RPS6KA2: variants seen among roughly 807,000 people sequenced by gnomAD.
RPS6KA2 encodes the protein ribosomal protein S6 kinase alpha-2.
A neutral mutation model predicts 91.8 loss-of-function variants in RPS6KA2; 42 were observed. The ratio of observed to expected loss-of-function variants is 0.46; its 90% CI spans 0.36 to 0.59. The LOEUF (loss-of-function observed/expected upper bound fraction) is 0.59. RPS6KA2 is among the 20% of genes least tolerant of loss of function. The pLI is 0.00. For missense variants in RPS6KA2, 798 were observed against 978.5 expected (o/e 0.82, Z 2.46); for synonymous variants, 414 against 393.6 (o/e 1.05, Z -0.61).
At chr6:166,787,209 G>T (rs982993626) in intron 2 of RPS6KA2, among the ~76,000 whole-genome samples, 35 of 151,792 alleles carry the variant, frequency 2.3e-4, no homozygotes, top group African/African-American at 8.2e-4. Flanking sequence ...TTATCATAGT[G>T]TTTTTTTTAT....
At chr6:166,711,795 A>AC (rs1789865969) in intron 2 of RPS6KA2, among the ~76,000 whole-genome samples, 2 of 151,418 alleles carry the variant, frequency 1.3e-5, no homozygotes, top group Admixed American at 1.3e-4. Flanking sequence ...AGAGAGAGAG[A>AC]GAGAGAGACA....
chr6:166,421,360 G>C (rs1159613993), intron 17 of RPS6KA2, among the ~76,000 whole-genome samples: 1 of 152,250 alleles, frequency 6.6e-6, no homozygotes, highest in Non-Finnish European at 1.5e-5. Flanking sequence ...GCATAGGCGT[G>C]AGGGGCGCTG....
intron 1 of RPS6KA2, among the ~76,000 whole-genome samples, chr6:166,556,069 G>A (rs1329338709): frequency 6.6e-6 from 1 of 152,198 alleles, no homozygotes; most frequent in Non-Finnish European, 1.5e-5. Context: ...TATTTCTCCT[G>A]TAATCCAGGG....
intron 14 of RPS6KA2, among the ~76,000 whole-genome samples, chr6:166,439,176 C>T (rs981057889): frequency 6.6e-6 from 1 of 152,270 alleles, no homozygotes; most frequent in Admixed American, 6.5e-5. Context: ...GGCACAATCT[C>T]GGCTCACTGC....
At chr6:166,638,884 C>T (rs779574111) in intron 2 of RPS6KA2, among the ~76,000 whole-genome samples, 4 of 152,092 alleles carry the variant, frequency 2.6e-5, no homozygotes, top group Non-Finnish European at 2.9e-5. Flanking sequence ...TCCTTCTGCT[C>T]AGTTTGTTTG....
chr6:166,667,667 C>A (rs1788353260), intron 2 of RPS6KA2, among the ~76,000 whole-genome samples: 1 of 152,162 alleles, frequency 6.6e-6, no homozygotes, highest in Non-Finnish European at 1.5e-5. Flanking sequence ...TGCACCCCGA[C>A]CCCCTGCAAT....
chr6:166,596,561 G>A (rs1785540645), intron 1 of RPS6KA2, among the ~76,000 whole-genome samples: 1 of 152,212 alleles, frequency 6.6e-6, no homozygotes. Context: ...ACTTACACCA[G>A]TGGTTTGCCA....
chr6:166,451,008 C>A (rs1779893296), intron 13 of RPS6KA2, 95 bp downstream of exon 13: 1 of 1,497,070 alleles, frequency 6.7e-7, no homozygotes, highest in African/African-American at 1.4e-5. Flanking sequence ...CCTAAGCACC[C>A]AACCCCCGGG....
rs1219842249 is a variant in RPS6KA2, at chr6:166,662,492, G to A, written c.124-123708C>T. 6.6e-6 allele frequency among the ~76,000 whole-genome samples: 1 copy of A among 152,146 alleles called. No individual in the cohort carries two copies. The highest frequency in any genetic ancestry group is 1.5e-5 in the Non-Finnish European group (1 of 68,042). On this transcript the variant is annotated intron_variant, in intron 2 of 21. Coordinates refer to the RPS6KA2 transcript ENST00000503859. This position sits in a 1 kb window ranked among gnomAD's most constrained non-coding sequence, Gnocchi z 4.3. ...AATCCAATGCCTATGTTACAGGAGT[G>A]CAGTTTTATGTTTGGAAAGAGTCTC...
intron 14 of RPS6KA2, among the ~76,000 whole-genome samples, chr6:166,438,251 C>T (rs1779404434): frequency 6.6e-6 from 1 of 152,184 alleles, no homozygotes; most frequent in South Asian, 2.1e-4. Context: ...CTATTCATGC[C>T]GAACATCTGT....
intron 1 of RPS6KA2, among the ~76,000 whole-genome samples, chr6:166,571,212 T>G (rs1290559166): frequency 6.6e-6 from 1 of 152,194 alleles, no homozygotes; most frequent in Non-Finnish European, 1.5e-5. Context: ...CCGGGGAAAC[T>G]GCCATGAAAT....
intron 11 of RPS6KA2, among the ~76,000 whole-genome samples, chr6:166,467,092 TCA>T (rs577206792): frequency 2.9e-4 from 44 of 152,220 alleles, no homozygotes; most frequent in African/African-American, 9.6e-4. Flanking sequence ...CCTCACTCAT[TCA>T]CTCTCTAACT....
intron 1 of RPS6KA2, among the ~76,000 whole-genome samples, chr6:166,623,942 C>G (rs534001367): frequency 1.7e-4 from 26 of 152,240 alleles, no homozygotes; most frequent in Admixed American, 1.0e-3. Flanking sequence ...AACCTGACTT[C>G]TCTGTCACTT....
rs147965907 is a variant in RPS6KA2, at chr6:166,486,898, A to G, written c.907+1935T>C. Among the ~76,000 whole-genome samples, 355 of 152,356 alleles carry G rather than the reference A, an allele frequency of 2.3e-3. 4 individuals are homozygous for G. The highest frequency in any genetic ancestry group is 8.1e-3 in the African/African-American group (338 of 41,584). ...GGGATGCGCTAAACAGCCTCAATGC[A>G]TGGCGCAGCTCCCAAAACAAGAATT... On this transcript the variant is annotated intron_variant, in intron 10 of 20. Coordinates refer to ENST00000265678, the MANE Select transcript of RPS6KA2 (RefSeq NM_021135.6).
chr6:166,528,328 C>T (rs1200289863), intron 3 of RPS6KA2, among the ~76,000 whole-genome samples: 1 of 152,108 alleles, frequency 6.6e-6, no homozygotes, highest in East Asian at 1.9e-4. Flanking sequence ...AAAGGATTCC[C>T]TATTTAATAA....
intron 2 of RPS6KA2, among the ~76,000 whole-genome samples, chr6:166,709,275 G>A (rs748076687): frequency 2.3e-4 from 35 of 152,192 alleles, no homozygotes; most frequent in Admixed American, 6.5e-4. Flanking sequence ...GGAGGAATAA[G>A]AACAATAGTC....
At chr6:166,502,056 CGGGGGCT>C (rs1562538499) in intron 6 of RPS6KA2, among the ~76,000 whole-genome samples, 2 of 152,038 alleles carry the variant, frequency 1.3e-5, no homozygotes, top group Non-Finnish European at 2.9e-5. Flanking sequence ...TGGCGGGTGC[CGGGGGCT>C]GGGGAGCTAC....
At chr6:166,650,445 T>G (rs1288793008) in intron 2 of RPS6KA2, among the ~76,000 whole-genome samples, 7 of 126,828 alleles carry the variant, frequency 5.5e-5, no homozygotes, top group South Asian at 2.6e-4. Context: ...AGGCTGGAGG[T>G]GGGAGGGAGG....
chr6:166,586,986 C>G (rs1785196190), intron 1 of RPS6KA2, among the ~76,000 whole-genome samples: 2 of 152,086 alleles, frequency 1.3e-5, no homozygotes, highest in South Asian at 4.1e-4. Flanking sequence ...GGATGGTGTA[C>G]CTTAAAGAAG....
Sources: allele counts gnomAD v4.1 joint callset (sites outside exome capture counted in the v4.1 genomes callset), GRCh38; gene constraint gnomAD v4.1.1; non-coding constraint Gnocchi (gnomAD v3.1); transcripts MANE v1.5; gene names NCBI Gene and HGNC (gene_info 2026-07-23, HGNC 2026-07-21).